The following SMU1 variants were observed in gnomAD, a reference collection of about 807,000 sequenced individuals.
SMU1 encodes the protein WD40 repeat-containing protein SMU1.
SMU1 carries 2 observed loss-of-function variants against 62.0 expected under a neutral mutation model. That is an observed-to-expected ratio of 0.03 (90% confidence interval 0.01 to 0.10). The LOEUF (loss-of-function observed/expected upper bound fraction) is 0.10. Ranked by LOEUF, SMU1 falls within the 10% of genes least tolerant of loss-of-function variation. SMU1 has a pLI of 1.00. For missense variants in SMU1, 227 were observed against 622.1 expected (o/e 0.36, Z 6.76); for synonymous variants, 188 against 212.4 (o/e 0.89, Z 1.00).
At chr9:33,052,026 A>G (rs1250290695) in intron 10 of SMU1, among the ~76,000 whole-genome samples, 1 of 152,108 alleles carries the variant, frequency 6.6e-6, no homozygotes, top group Non-Finnish European at 1.5e-5. Flanking sequence ...TCAAAAAAAA[A>G]AAAAAAACAG....
At chr9:33,057,376 A>G (rs10971373) in intron 7 of SMU1, among the ~76,000 whole-genome samples, 10,727 of 152,308 alleles carry the variant, frequency 0.07, 514 homozygotes, top group Non-Finnish European at 0.11. Context: ...TATGAACTAA[A>G]GTCCCAGATC....
chr9:33,059,528 TGCAGTGA>T (rs1839339731), intron 6 of SMU1, among the ~76,000 whole-genome samples: 1 of 150,522 alleles, frequency 6.6e-6, no homozygotes, highest in South Asian at 2.1e-4. Flanking sequence ...AGGCGGAGGT[TGCAGTGA>T]GCCGAGATCG....
Position 33,047,039 on chromosome 9 carries a change from A to G in SMU1, c.*254T>C, listed in dbSNP as rs541159673. 8.3e-4 allele frequency: 273 copies of G among 328,242 alleles called. 5 individuals carry two copies. In the South Asian group the frequency reaches 0.013, roughly 16 times the overall value. 20.3% of individuals were successfully genotyped at this position (328,242 alleles called of 1,614,324 possible). On this transcript the variant is annotated 3_prime_UTR_variant, in exon 12 of 12. Coordinates refer to ENST00000397149, the MANE Select transcript of SMU1 (RefSeq NM_018225.3). Reference sequence around the variant, plus strand: ...TTTTTTCTAGAAATATCAGTATTTCACTCTCCAGGTCGAAGATTAATGAAA... The same window carrying G: ...TTTTTTCTAGAAATATCAGTATTTCGCTCTCCAGGTCGAAGATTAATGAAA...
Position 33,056,231 on chromosome 9 carries a change from C to A in SMU1, c.1004G>T (p.Gly335Val). 2 of 1,610,918 alleles carry A rather than the reference C, an allele frequency of 1.2e-6. No individual in the cohort carries two copies. The highest frequency in any genetic ancestry group is 1.7e-6 in the Non-Finnish European group (2 of 1,178,330). Residue 335 changes from glycine to valine, a missense_variant, in exon 9 of 12, where the codon GGT becomes GTT. Coordinates refer to ENST00000397149, the MANE Select transcript of SMU1 (RefSeq NM_018225.3). ...ASFDQTIRIH[G>V]LKSGKTLKEF... is the part of the protein sequence containing the mutation. ...CTTCAGGGTTTTCCCAGATTTTAAA[C>A]CATGAATTCTACCAAATGAAAGTAA...
intron 9 of SMU1, among the ~76,000 whole-genome samples, chr9:33,054,958 C>G (rs549765204): frequency 6.6e-6 from 1 of 152,166 alleles, no homozygotes. Flanking sequence ...AAATAAGGAA[C>G]CTTAGATAAG....
chr9:33,073,855 T>C (rs747131426), intron 1 of SMU1, 49 bp from the exon 2 acceptor site: 11 of 1,545,176 alleles, frequency 7.1e-6, no homozygotes, highest in Non-Finnish European at 8.0e-6. Context: ...TCACCAGAGG[T>C]CAAAAATAAA....
In SMU1 at chr9:33,047,807, C is replaced by T. The variant is rs946129576; in HGVS notation, c.1443+299G>A. On this transcript the variant is annotated intron_variant, in intron 11 of 11. Coordinates refer to ENST00000397149, the MANE Select transcript of SMU1 (RefSeq NM_018225.3). ...CCAGGAGGCAGAGGTTGTAGTGAGCCGAGATCACACCACTGCACTCCAGCC... is the reference window on the plus strand; with the variant it reads ...CCAGGAGGCAGAGGTTGTAGTGAGCTGAGATCACACCACTGCACTCCAGCC... Among the ~76,000 whole-genome samples the T allele has an allele frequency of 4.0e-5, 6 of 151,412 alleles. No individual in the cohort carries two copies. The South Asian group carries it at 6.3e-4, about 16-fold the overall frequency.
chr9:33,060,892 T>C (rs138355887), intron 5 of SMU1, among the ~76,000 whole-genome samples: 47 of 152,370 alleles, frequency 3.1e-4, no homozygotes, highest in African/African-American at 1.1e-3. Context: ...TAGCTCAGAC[T>C]GTAATGTTTT....
intron 10 of SMU1, among the ~76,000 whole-genome samples, chr9:33,052,793 C>T (rs773225745): frequency 3.3e-5 from 5 of 152,200 alleles, no homozygotes; most frequent in Non-Finnish European, 5.9e-5. Context: ...GTAATCCATA[C>T]TACACTGTAT....
At chr9:33,076,487 T>C (rs1839547417) in intron 1 of SMU1, 96 bp downstream of exon 1, 5 of 1,470,490 alleles carry the variant, frequency 3.4e-6, no homozygotes, top group Non-Finnish European at 4.7e-6. Flanking sequence ...CTCCACTCCC[T>C]GGCCTCTCGG....
At chr9:33,067,836 G>C (rs1839439997) in intron 4 of SMU1, among the ~76,000 whole-genome samples, 1 of 152,106 alleles carries the variant, frequency 6.6e-6, no homozygotes, top group Non-Finnish European at 1.5e-5. Flanking sequence ...AGTCACTGCA[G>C]GCCTGCAACA....
chr9:33,062,929 G>A (rs1330585701), intron 4 of SMU1, among the ~76,000 whole-genome samples: 2 of 152,140 alleles, frequency 1.3e-5, no homozygotes, highest in Non-Finnish European at 2.9e-5. Flanking sequence ...AAAAAAAGTT[G>A]CAGTTGCACT....
Position 33,073,502 on chromosome 9 carries a change from C to T in SMU1, c.237+94G>A, listed in dbSNP as rs538504177. The T allele has an allele frequency of 8.8e-6, 7 of 794,564 alleles. No individual in the cohort carries two copies. In the South Asian group the frequency reaches 1.1e-4, roughly 13 times the overall value. 49.2% of individuals were successfully genotyped at this position (794,564 alleles called of 1,614,324 possible). ...TGTTGTATGGGCTGATGCAGCCCTA[C>T]CGTGCTTGAAGGAATGCTCACTGAC... On this transcript the variant is annotated intron_variant, in intron 2 of 11. Coordinates refer to ENST00000397149, the MANE Select transcript of SMU1 (RefSeq NM_018225.3).
chr9:33,046,561 G>C lies in SMU1; in HGVS notation c.*732C>G, dbSNP rs551667213. 1.4e-5 allele frequency: 2 copies of C among 146,634 alleles called. No homozygotes were observed. The highest frequency in any genetic ancestry group is 2.5e-5 in the African/African-American group (1 of 39,666). 9.1% of individuals were successfully genotyped at this position (146,634 alleles called of 1,614,324 possible). On this transcript the variant is annotated 3_prime_UTR_variant, in exon 12 of 12. Transcript: ENST00000397149. Reference sequence around the variant, plus strand: ...ATTTTAGAACAAAGTCTCCAGAAAGGTATAAAGTTTATTAACATCTTTAAA... The same window carrying C: ...ATTTTAGAACAAAGTCTCCAGAAAGCTATAAAGTTTATTAACATCTTTAAA...
rs1025974823 is a variant in SMU1 at position 33,056,249 on chromosome 9, G to C, written c.996-10C>G. Reference sequence around the variant, plus strand: ...TTTTAAACCATGAATTCTACCAAATGAAAGTAAATGAAAAGAACAATAAAT... The same window carrying C: ...TTTTAAACCATGAATTCTACCAAATCAAAGTAAATGAAAAGAACAATAAAT... On this transcript the variant is annotated splice_polypyrimidine_tract_variant and intron_variant, in intron 8 of 11. Transcript: ENST00000397149. 7 of 1,605,278 alleles carry C rather than the reference G, an allele frequency of 4.4e-6. No individual in the cohort carries two copies. The highest frequency in any genetic ancestry group is 6.0e-6 in the Non-Finnish European group (7 of 1,175,292).
intron 4 of SMU1, among the ~76,000 whole-genome samples, chr9:33,068,447 T>C (rs1421061980): frequency 1.3e-5 from 2 of 152,194 alleles, no homozygotes; most frequent in African/African-American, 2.4e-5. Context: ...GTACAATTTC[T>C]TCAGCTAAGA....
intron 10 of SMU1, 50 bp downstream of exon 10, chr9:33,053,073 T>C: frequency 6.4e-7 from 1 of 1,568,916 alleles, no homozygotes; most frequent in South Asian, 1.1e-5. Context: ...GAAGTGCTGA[T>C]TTGGGAATGG....
intron 1 of SMU1, among the ~76,000 whole-genome samples, chr9:33,074,875 G>A (rs1475266683): frequency 6.6e-5 from 10 of 151,798 alleles, no homozygotes; most frequent in Non-Finnish European, 1.5e-4. Flanking sequence ...CTGGGATCAG[G>A]TGATCCTCTC....
intron 4 of SMU1, among the ~76,000 whole-genome samples, chr9:33,067,297 CAAAA>C (rs58105257): frequency 1.9e-5 from 1 of 52,766 alleles, no homozygotes. Context: ...TGCTAATGAC[CAAAA>C]AAAAAAAAAA....
Sources: allele counts gnomAD v4.1 joint callset (sites outside exome capture counted in the v4.1 genomes callset), GRCh38; gene constraint gnomAD v4.1.1; transcripts MANE v1.5; gene names NCBI Gene and HGNC (gene_info 2026-07-23, HGNC 2026-07-21).